ABL1: variants seen among roughly 807,000 people sequenced by gnomAD.
The protein encoded by ABL1 is ABL proto-oncogene 1, non-receptor tyrosine kinase.
In ABL1, 11 loss-of-function variants were observed where a neutral mutation model predicts 94.7. The ratio of observed to expected loss-of-function variants is 0.12; its 90% confidence interval spans 0.07 to 0.19. The LOEUF (loss-of-function observed/expected upper bound fraction) is 0.19. Ranked by LOEUF, ABL1 falls within the 10% of genes least tolerant of loss-of-function variation. The pLI is 1.00. For missense variants in ABL1, 1,082 were observed against 1,489.4 expected, an observed-to-expected ratio of 0.73 and a Z score of 4.50; for synonymous variants, 656 against 622.4, an observed-to-expected ratio of 1.05 and a Z score of -0.80.
chr9:130,828,973 A>C (rs1016129568), intron 1 of ABL1, among the ~76,000 whole-genome samples: 1 of 152,232 alleles, frequency 6.6e-6, no homozygotes, highest in Non-Finnish European at 1.5e-5. Context: ...TCAGAACACC[A>C]AGAATATTAG....
Position 130,885,603 on chromosome 9 carries a change from G to A in ABL1, c.3313G>A (p.Gly1105Ser), listed in dbSNP as rs768644488. Reference sequence around the variant, plus strand: ...GCTTCAGATCTGCCCGGCGACAGCAGGCAGTGGTCCAGCGGCCACTCAGGA... The same window carrying A: ...GCTTCAGATCTGCCCGGCGACAGCAAGCAGTGGTCCAGCGGCCACTCAGGA... ...RELQICPATA[G>S]SGPAATQDFS... is the part of the protein sequence containing the mutation. Residue 1105 changes from glycine (G) to serine (S), a missense_variant, in exon 11 of 11, where the codon GGC becomes AGC. Coordinates refer to ENST00000318560, the MANE Select transcript of ABL1 (RefSeq NM_005157.6). The A allele has an allele frequency of 8.7e-6, 14 of 1,613,508 alleles. No homozygotes were observed. The highest frequency in any genetic ancestry group is 2.2e-5 in the South Asian group (2 of 91,080).
intron 1 of ABL1, among the ~76,000 whole-genome samples, chr9:130,809,439 T>C (rs530118069): frequency 7.0e-4 from 104 of 147,726 alleles, no homozygotes; most frequent in African/African-American, 2.6e-3. Context: ...TGTGTGTGTG[T>C]GTGTGCACGT....
At chr9:130,721,822 G>GTTTTTTTTTTTTTT (rs746954089) in intron 1 of ABL1, among the ~76,000 whole-genome samples, 1 of 120,882 alleles carries the variant, frequency 8.3e-6, no homozygotes, top group Non-Finnish European at 1.7e-5. Flanking sequence ...GTTTTTTTTT[G>GTTTTTTTTTTTTTT]TTTTTTTTTT....
chr9:130,720,886 A>T (rs1831505779), intron 1 of ABL1, among the ~76,000 whole-genome samples: 1 of 151,996 alleles, frequency 6.6e-6, no homozygotes. Context: ...CAGGTTTTCG[A>T]ACTGAATAAC....
Position 130,885,699 on chromosome 9 carries a change from A to G in ABL1, c.*16A>G. On this transcript the variant is annotated 3_prime_UTR_variant, in exon 11 of 11. Transcript: ENST00000318560. The stretch of plus-strand genomic sequence containing the variant: ...GCAGAGGTAGCAGCAGTCAGGGGTC[A>G]GGTGTCAGGCCCGTCGGAGCTGCCT... 6.2e-7 allele frequency: 1 copy of G among 1,600,532 alleles called. No homozygotes were observed. Among genetic ancestry groups the G allele is most frequent in the Non-Finnish European group, 8.5e-7 (1 of 1,172,450 alleles).
At position 130,841,883 on chromosome 9, in the gene ABL1, G is replaced by T. The variant is rs555970629; in HGVS notation, c.79+6358G>T. On this transcript the variant is annotated intron_variant, in intron 1 of 10. Transcript: ENST00000318560. ...ACCATAAATATTTTTGTTATATTGC[G>T]TGTGTTGAGTACTGGTGATAGGGAA... Among the ~76,000 whole-genome samples the T allele has an allele frequency of 1.9e-3, 282 of 151,842 alleles. 3 individuals carry two copies. The highest frequency in any genetic ancestry group is 6.7e-3 in the African/African-American group (276 of 41,336).
At chr9:130,844,757 C>T (rs1373385083) in intron 1 of ABL1, among the ~76,000 whole-genome samples, 1 of 152,116 alleles carries the variant, frequency 6.6e-6, no homozygotes, top group Non-Finnish European at 1.5e-5. Context: ...GCCAAGATCG[C>T]GCCACCGCAC....
chr9:130,843,031 C>T (rs1475360521), intron 1 of ABL1, among the ~76,000 whole-genome samples: 1 of 152,178 alleles, frequency 6.6e-6, no homozygotes, highest in Non-Finnish European at 1.5e-5. Flanking sequence ...TATAGGTTTT[C>T]CTGGTCAGGT....
rs572337482 is a variant in ABL1 at position 130,883,219 on chromosome 9, C to G, written c.1679-750C>G. ...ATTGTCATTAGGAAAGGCTTTGGGC[C>G]GGGTGCAGTGGCTCATGCCTGTAAT... is the stretch of plus-strand genomic sequence containing the variant. On this transcript the variant is annotated intron_variant, in intron 10 of 10. Transcript: ENST00000318560. Among the ~76,000 whole-genome samples the G allele has an allele frequency of 2.6e-3, 394 of 152,262 alleles. 2 individuals carry two copies. Among genetic ancestry groups the G allele is most frequent in the Non-Finnish European group, 4.7e-3 (318 of 68,010 alleles).
At chr9:130,752,249 A>T (rs1050629614) in intron 1 of ABL1, among the ~76,000 whole-genome samples, 1 of 152,196 alleles carries the variant, frequency 6.6e-6, no homozygotes, top group East Asian at 1.9e-4. Context: ...TCTCTGCTTC[A>T]TAGCTGTTGT....
chr9:130,808,704 A>G (rs527815500), intron 1 of ABL1, among the ~76,000 whole-genome samples: 2 of 152,198 alleles, frequency 1.3e-5, no homozygotes, highest in Admixed American at 1.3e-4. Context: ...GTAGCTCTAA[A>G]CTCCAGCCAT....
chr9:130,828,928 G>A (rs1434228332), intron 1 of ABL1, among the ~76,000 whole-genome samples: 1 of 152,032 alleles, frequency 6.6e-6, no homozygotes, highest in East Asian at 1.9e-4. Context: ...TGAGTGCCCA[G>A]AATAATATAT....
At chr9:130,848,675 G>A (rs1021896971) in intron 1 of ABL1, among the ~76,000 whole-genome samples, 2 of 151,964 alleles carry the variant, frequency 1.3e-5, no homozygotes, top group Non-Finnish European at 2.9e-5. Flanking sequence ...GGTGGCTCAC[G>A]CCGATAATCC....
At chr9:130,838,871 T>C (rs1169106682) in intron 1 of ABL1, among the ~76,000 whole-genome samples, 2 of 152,186 alleles carry the variant, frequency 1.3e-5, no homozygotes, top group Admixed American at 1.3e-4. Flanking sequence ...CAAAAACTAA[T>C]GTCTGTGAAC....
intron 1 of ABL1, among the ~76,000 whole-genome samples, chr9:130,790,469 A>AT (rs1251283602): frequency 6.2e-4 from 59 of 95,494 alleles, no homozygotes; most frequent in African/African-American, 2.9e-3. Flanking sequence ...TTTTTATTTT[A>AT]TTTATTTATT....
At chr9:130,866,608 C>T (rs1174636517) in intron 4 of ABL1, among the ~76,000 whole-genome samples, 5 of 152,124 alleles carry the variant, frequency 3.3e-5, no homozygotes, top group Non-Finnish European at 7.3e-5. Flanking sequence ...GTGAACAAGT[C>T]AAGCAACCTT....
At chr9:130,722,009 C>T (rs1208696405) in intron 1 of ABL1, among the ~76,000 whole-genome samples, 1 of 151,528 alleles carries the variant, frequency 6.6e-6, no homozygotes, top group Non-Finnish European at 1.5e-5. Flanking sequence ...GTTTTGATCT[C>T]GTGACCTCAT....
At chr9:130,781,960 C>T (rs2855180) in intron 1 of ABL1, among the ~76,000 whole-genome samples, 58,130 of 152,044 alleles carry the variant, frequency 0.38, 11,379 homozygotes, top group Middle Eastern at 0.5. Flanking sequence ...TACGTATATA[C>T]ATCACATTCA....
intron 10 of ABL1, among the ~76,000 whole-genome samples, chr9:130,882,734 T>C (rs2855196): frequency 1 from 151,602 of 152,130 alleles, 75,538 homozygotes; most frequent in East Asian, 1. Flanking sequence ...CGGGGTTTCA[T>C]CATGTTGGCC....
Sources: gnomAD v4.1 joint callset for allele counts (sites outside exome capture counted in the v4.1 genomes callset) on GRCh38, gnomAD v4.1.1 for gene constraint, MANE v1.5 for transcripts, NCBI Gene and HGNC (gene_info 2026-07-23, HGNC 2026-07-21) for gene names.